Variants in STIM1 observed in about 807,000 individuals in gnomAD.
STIM1 encodes stromal interaction molecule 1.
A neutral mutation model predicts 74.7 loss-of-function variants in STIM1; 25 were observed. The ratio of observed to expected loss-of-function variants is 0.33; its 90% CI spans 0.24 to 0.47. The LOEUF is 0.47. Among genes scored for constraint, STIM1 ranks in the 20% least tolerant of loss-of-function variants. The probability of loss-of-function intolerance (pLI) is 1.00; values close to 1 mark genes in which losing one functional copy is unlikely to be tolerated. For missense variants in STIM1, 728 were observed against 920.8 expected (o/e 0.79, Z 2.71); for synonymous variants, 328 against 348.8 (o/e 0.94, Z 0.66).
At chr11:4,059,013 G>A in intron 4 of STIM1, 1 of 1,072,900 alleles carries the variant, frequency 9.3e-7, no homozygotes, top group South Asian at 1.8e-5. Flanking sequence ...GTTGGGTGTG[G>A]GAATGGTCAC....
intron 3 of STIM1, among the ~76,000 whole-genome samples, chr11:4,040,018 C>T (rs765800673): frequency 3.9e-5 from 6 of 152,126 alleles, no homozygotes; most frequent in Non-Finnish European, 8.8e-5. Context: ...ATCTGCCTGC[C>T]TCGGCCTTCC....
intron 1 of STIM1, among the ~76,000 whole-genome samples, chr11:3,966,058 A>C (rs552032217): frequency 9.9e-5 from 15 of 152,224 alleles, no homozygotes; most frequent in Middle Eastern, 3.4e-3. Flanking sequence ...CCATTTCTTC[A>C]ATGTTCTTCT....
intron 10 of STIM1, among the ~76,000 whole-genome samples, chr11:4,084,019 C>T (rs1202920772): frequency 6.6e-6 from 1 of 152,182 alleles, no homozygotes; most frequent in African/African-American, 2.4e-5. Flanking sequence ...GAGGGATCTC[C>T]TGCACAAGCA....
chr11:3,909,640 C>T (rs145660880), intron 1 of STIM1, among the ~76,000 whole-genome samples: 849 of 151,768 alleles, frequency 5.6e-3, no homozygotes, highest in African/African-American at 0.013. Context: ...CTGGCTAACA[C>T]GGTGAAACTC....
At chr11:3,926,395 T>C (rs548300800) in intron 1 of STIM1, among the ~76,000 whole-genome samples, 1 of 152,362 alleles carries the variant, frequency 6.6e-6, no homozygotes, top group African/African-American at 2.4e-5. Flanking sequence ...ATAATTCTTA[T>C]ATTTTAAGAT....
chr11:3,859,142 T>C (rs1392431738), intron 1 of STIM1, among the ~76,000 whole-genome samples: 1 of 152,224 alleles, frequency 6.6e-6, no homozygotes, highest in Non-Finnish European at 1.5e-5. Flanking sequence ...TATATACCCA[T>C]CTGTCTCTTT....
In STIM1 at chr11:4,074,511, G is replaced by A. The variant is rs200807823; in HGVS notation, c.801G>A (p.Lys267=). 6.2e-7 allele frequency: 1 copy of A among 1,613,714 alleles called. No individual in the cohort carries two copies. The highest frequency in any genetic ancestry group is 8.5e-7 in the Non-Finnish European group (1 of 1,179,990). The change falls in exon 7 of 13, where the codon AAG becomes AAA. Residue 267 remains lysine, a synonymous_variant. Coordinates refer to ENST00000526596, the MANE Select transcript of STIM1 (RefSeq NM_001382567.1). ...TGCATTGCCCCCCCAGGCTGCACAA[G>A]GCCCAGGAGGAGCACCGCACAGTGG... is the stretch of plus-strand genomic sequence containing the variant. ...SLHDLQERLH[K]AQEEHRTVEV... is the part of the protein sequence containing the mutation.
At chr11:3,962,434 G>T (rs984401358) in intron 1 of STIM1, among the ~76,000 whole-genome samples, 3 of 149,090 alleles carry the variant, frequency 2.0e-5, no homozygotes, top group African/African-American at 5.0e-5. Flanking sequence ...TTCTTTTATG[G>T]CTGAGTAGTA....
chr11:4,061,178 G>A (rs16929467), intron 5 of STIM1, among the ~76,000 whole-genome samples: 5,723 of 152,232 alleles, frequency 0.038, 254 homozygotes, highest in East Asian at 0.19. Context: ...GCAGGTTAAA[G>A]CAGTCAAGGA....
chr11:3,939,600 A>C (rs1281649287), intron 1 of STIM1, among the ~76,000 whole-genome samples: 2 of 152,194 alleles, frequency 1.3e-5, no homozygotes, highest in African/African-American at 4.8e-5. Flanking sequence ...GATATAGGCA[A>C]GAAAGTACTT....
At chr11:4,019,732 G>C (rs948683526) in intron 2 of STIM1, among the ~76,000 whole-genome samples, 1 of 152,196 alleles carries the variant, frequency 6.6e-6, no homozygotes, top group African/African-American at 2.4e-5. Context: ...AATGTATAAT[G>C]ATCAAATTAG....
At chr11:4,036,906 T>C (rs761630335) in intron 3 of STIM1, among the ~76,000 whole-genome samples, 1 of 152,190 alleles carries the variant, frequency 6.6e-6, no homozygotes, top group Non-Finnish European at 1.5e-5. Flanking sequence ...AGAGCCTCTG[T>C]ATAGCAAAAG....
intron 2 of STIM1, 26 bp from the exon 3 acceptor site, chr11:4,023,847 G>T: frequency 6.3e-7 from 1 of 1,594,062 alleles, no homozygotes. Context: ...GGTATCTCTT[G>T]TGACTTGTGT....
intron 1 of STIM1, among the ~76,000 whole-genome samples, chr11:3,859,808 G>A (rs1221039052): frequency 1.3e-5 from 2 of 152,224 alleles, no homozygotes; most frequent in East Asian, 3.8e-4. Flanking sequence ...GGGCTTGGCT[G>A]AAGCTAATAC....
chr11:3,990,398 G>A lies in STIM1; in HGVS notation c.270+22716G>A, dbSNP rs187356269. ...GACATGTATAAGTTTTTGTGTGGAC[G>A]TGTGTTTTATGTTTTGTTTGGATGT... is the stretch of plus-strand genomic sequence containing the variant. On this transcript the variant is annotated intron_variant, in intron 2 of 12. Coordinates refer to ENST00000526596, the MANE Select transcript of STIM1 (RefSeq NM_001382567.1). 6.8e-4 allele frequency among the ~76,000 whole-genome samples: 103 copies of A among 152,270 alleles called. 1 individual carries two copies. The Middle Eastern group carries it at 0.01, about 15-fold the overall frequency.
At position 4,056,784 on chromosome 11, in the gene STIM1, A is replaced by G. The variant is rs79803243; in HGVS notation, c.497+1147A>G. ...CTCCCTTTATAGAGTGCTTTCCTACATATTATTTCAGTTGATTCTCACAAC... is the reference window on the plus strand; with the variant it reads ...CTCCCTTTATAGAGTGCTTTCCTACGTATTATTTCAGTTGATTCTCACAAC... On this transcript the variant is annotated intron_variant, in intron 4 of 12. Coordinates refer to ENST00000526596, the MANE Select transcript of STIM1 (RefSeq NM_001382567.1). 1.3e-3 allele frequency among the ~76,000 whole-genome samples: 204 copies of G among 152,342 alleles called. 1 individual carries two copies. Among genetic ancestry groups the G allele is most frequent in the Middle Eastern group, 3.4e-3 (1 of 294 alleles).
intron 1 of STIM1, among the ~76,000 whole-genome samples, chr11:3,889,129 C>A (rs1345714208): frequency 6.8e-6 from 1 of 148,120 alleles, no homozygotes; most frequent in African/African-American, 2.5e-5. Flanking sequence ...TGCCAGGCAG[C>A]TGTGGCAACA....
chr11:4,076,212 G>A (rs1234059927), intron 7 of STIM1, among the ~76,000 whole-genome samples: 5 of 151,660 alleles, frequency 3.3e-5, no homozygotes, highest in South Asian at 2.1e-4. Context: ...GCAGTCAGGC[G>A]CCGTGGCTCA....
intron 1 of STIM1, among the ~76,000 whole-genome samples, chr11:3,926,688 T>C (rs2092793038): frequency 1.3e-5 from 2 of 152,226 alleles, no homozygotes; most frequent in Non-Finnish European, 1.5e-5. Flanking sequence ...TTATCTGTTT[T>C]TATCCTGTGT....
Sources: gnomAD v4.1 joint callset for allele counts (sites outside exome capture counted in the v4.1 genomes callset) on GRCh38, gnomAD v4.1.1 for gene constraint, MANE v1.5 for transcripts, NCBI Gene and HGNC (gene_info 2026-07-23, HGNC 2026-07-21) for gene names.